The following CNTNAP2 variants were observed in gnomAD, a reference collection of about 807,000 sequenced individuals.
The protein encoded by CNTNAP2 is contactin associated protein 2.
Under a neutral mutation model 155.2 loss-of-function variants are expected in CNTNAP2, and 98 were observed. The ratio of observed to expected loss-of-function variants is 0.63; its 90% confidence interval spans 0.54 to 0.75. CNTNAP2 has a LOEUF of 0.75. Ranked by LOEUF, CNTNAP2 falls within the 30% of genes least tolerant of loss-of-function variation. CNTNAP2 has a pLI of 0.00. For synonymous variants in CNTNAP2, 651 were observed against 631.2 expected, an observed-to-expected ratio of 1.03 and a Z score of -0.47; for missense variants, 1,727 against 1,688.1, an observed-to-expected ratio of 1.02 and a Z score of -0.40.
At chr7:146,261,507 CA>C (rs1269058729) in intron 1 of CNTNAP2, among the ~76,000 whole-genome samples, 20 of 151,680 alleles carry the variant, frequency 1.3e-4, no homozygotes, top group African/African-American at 4.6e-4. Flanking sequence ...GAGGGCACAC[CA>C]AAAAATCACA....
chr7:147,735,187 A>C (rs7455845), intron 13 of CNTNAP2, among the ~76,000 whole-genome samples: 9,638 of 151,984 alleles, frequency 0.063, 967 homozygotes, highest in African/African-American at 0.22. Context: ...CTACACACTG[A>C]TTTAAATGTG....
chr7:146,965,886 T>C (rs1244444081), intron 3 of CNTNAP2, among the ~76,000 whole-genome samples: 2 of 152,192 alleles, frequency 1.3e-5, no homozygotes, highest in Non-Finnish European at 2.9e-5. Context: ...TGAGAAACCT[T>C]ACGCTAGACT....
At chr7:146,599,743 G>GAGATAGGT (rs1798918963) in intron 1 of CNTNAP2, among the ~76,000 whole-genome samples, 1 of 145,594 alleles carries the variant, frequency 6.9e-6, no homozygotes, top group African/African-American at 2.6e-5. Flanking sequence ...ACGACAGACA[G>GAGATAGGT]AGATAGATAG....
intron 1 of CNTNAP2, among the ~76,000 whole-genome samples, chr7:146,549,422 C>A (rs1368768167): frequency 6.6e-6 from 1 of 151,758 alleles, no homozygotes; most frequent in South Asian, 2.1e-4. Flanking sequence ...AATATCTGTA[C>A]TGTAAGGAAA....
intron 1 of CNTNAP2, among the ~76,000 whole-genome samples, chr7:146,131,970 C>T (rs1273663520): frequency 3.3e-5 from 5 of 152,078 alleles, no homozygotes; most frequent in South Asian, 2.1e-4. Context: ...TCCTTTCTGC[C>T]GTGATTGTAA....
At chr7:147,050,080 T>C (rs959149027) in intron 4 of CNTNAP2, among the ~76,000 whole-genome samples, 3 of 152,184 alleles carry the variant, frequency 2.0e-5, no homozygotes, top group Non-Finnish European at 4.4e-5. Context: ...TCCTCTACGT[T>C]TGGTTTTCCC....
intron 13 of CNTNAP2, among the ~76,000 whole-genome samples, chr7:147,827,277 C>T (rs1798468355): frequency 6.6e-6 from 1 of 152,122 alleles, no homozygotes; most frequent in Non-Finnish European, 1.5e-5. Context: ...AGTAAGGGCT[C>T]TGAGTCAACC....
chr7:147,120,933 G>A lies in CNTNAP2; in HGVS notation c.755-46G>A, dbSNP rs369330409. 9 of 1,563,132 alleles carry A rather than the reference G, an allele frequency of 5.8e-6. No individual in the cohort carries two copies. The African/African-American group carries it at 6.8e-5, about 12-fold the overall frequency. On this transcript the variant is annotated intron_variant, in intron 5 of 23. Coordinates refer to ENST00000361727, the MANE Select transcript of CNTNAP2 (RefSeq NM_014141.6). ...AAAGATCTTCTGCTTCACAGAGTTG[G>A]CCATAGCATCATTGCATTGTTTCTT...
intron 10 of CNTNAP2, 31 bp downstream of exon 10, chr7:147,395,811 G>T (rs1439629316): frequency 6.2e-7 from 1 of 1,609,752 alleles, no homozygotes; most frequent in Non-Finnish European, 8.5e-7. Flanking sequence ...ACCTCACGTT[G>T]TCCAAACTTT....
intron 10 of CNTNAP2, among the ~76,000 whole-genome samples, chr7:147,434,517 A>G (rs1270143842): frequency 6.6e-6 from 1 of 152,234 alleles, no homozygotes; most frequent in East Asian, 1.9e-4. Flanking sequence ...GGAAAAAGAA[A>G]TCAAGAATAA....
intron 1 of CNTNAP2, among the ~76,000 whole-genome samples, chr7:146,562,149 C>A (rs1293575378): frequency 6.6e-6 from 1 of 152,106 alleles, no homozygotes; most frequent in African/African-American, 2.4e-5. Flanking sequence ...TTCCACTGAC[C>A]ACTTAAACAG....
intron 9 of CNTNAP2, among the ~76,000 whole-genome samples, chr7:147,310,113 G>T (rs1166451390): frequency 6.6e-6 from 1 of 152,044 alleles, no homozygotes; most frequent in Admixed American, 6.6e-5. Context: ...AGATTCCCAA[G>T]ACTTTTTTTT....
chr7:147,172,197 C>T (rs576095334), intron 8 of CNTNAP2, among the ~76,000 whole-genome samples: 1 of 152,212 alleles, frequency 6.6e-6, no homozygotes. Context: ...TTTGTTATGT[C>T]TGGGTAAAGA....
At chr7:147,116,923 C>A (rs761627162) in intron 5 of CNTNAP2, among the ~76,000 whole-genome samples, 8 of 152,230 alleles carry the variant, frequency 5.3e-5, no homozygotes, top group Non-Finnish European at 1.2e-4. Context: ...CCAAAGCCCA[C>A]AGGCTGCAAA....
At chr7:146,679,322 C>A (rs1454265666) in intron 1 of CNTNAP2, among the ~76,000 whole-genome samples, 1 of 148,966 alleles carries the variant, frequency 6.7e-6, no homozygotes, top group Non-Finnish European at 1.5e-5. Context: ...CCATCCATAT[C>A]CATGCAAAGG....
chr7:146,757,804 T>C (rs1585076267), intron 1 of CNTNAP2, among the ~76,000 whole-genome samples: 1 of 152,210 alleles, frequency 6.6e-6, no homozygotes, highest in South Asian at 2.1e-4. Context: ...TTCACTGCTA[T>C]GGCTCTATTT....
intron 13 of CNTNAP2, among the ~76,000 whole-genome samples, chr7:147,881,583 G>A (rs1799521072): frequency 6.6e-6 from 1 of 152,162 alleles, no homozygotes; most frequent in African/African-American, 2.4e-5. Flanking sequence ...CAATAAGCAG[G>A]ACAAGGTTTT....
In CNTNAP2 at chr7:147,211,154, GT is replaced by G. The variant is rs1257789382; in HGVS notation, c.1348+78646del. On this transcript the variant is annotated intron_variant, in intron 8 of 23. Coordinates refer to ENST00000361727, the MANE Select transcript of CNTNAP2 (RefSeq NM_014141.6). ...TGTATGTGTCTACTAGGTCCAATTA[GT>G]CAAATGTCAAATTTAAGTCTAGAAT... Among the ~76,000 whole-genome samples the G allele has an allele frequency of 2.0e-5, 3 of 151,958 alleles. No individual in the cohort carries two copies. In the East Asian group the frequency reaches 5.8e-4, roughly 29 times the overall value.
At chr7:148,165,306 T>C (rs925942009) in intron 17 of CNTNAP2, among the ~76,000 whole-genome samples, 1 of 152,178 alleles carries the variant, frequency 6.6e-6, no homozygotes, top group African/African-American at 2.4e-5. Flanking sequence ...GGATTAGGTC[T>C]CACCTTTATG....
Sources: gnomAD v4.1 joint callset for allele counts (sites outside exome capture counted in the v4.1 genomes callset) on GRCh38, gnomAD v4.1.1 for gene constraint, MANE v1.5 for transcripts, NCBI Gene and HGNC (gene_info 2026-07-23, HGNC 2026-07-21) for gene names.